Variants in KCNIP4 observed in about 807,000 individuals in gnomAD.
The protein encoded by KCNIP4 is potassium voltage-gated channel interacting protein 4, also known as Kv channel-interacting protein 4.
KCNIP4 carries 12 observed loss-of-function variants against 34.0 expected under a neutral mutation model. The observed-to-expected ratio is 0.35, with a 90% CI of 0.23 to 0.57. The LOEUF (loss-of-function observed/expected upper bound fraction) is 0.57, where lower values mean the gene tolerates loss of function less well. Among genes scored for constraint, KCNIP4 ranks in the 20% least tolerant of loss-of-function variants. The probability of loss-of-function intolerance (pLI) is 0.83; values close to 1 mark genes in which losing one functional copy is unlikely to be tolerated. For synonymous variants in KCNIP4, 124 were observed against 102.2 expected (o/e 1.21, Z -1.29); for missense variants, 238 against 311.7 (o/e 0.76, Z 1.78).
At chr4:21,065,711 A>G (rs2108983195) in intron 1 of KCNIP4, among the ~76,000 whole-genome samples, 1 of 131,564 alleles carries the variant, frequency 7.6e-6, no homozygotes, top group Non-Finnish European at 1.6e-5. Flanking sequence ...TATATCATAG[A>G]TTGGTATCAT....
At chr4:20,975,508 G>A (rs1254654980) in intron 1 of KCNIP4, among the ~76,000 whole-genome samples, 2 of 152,130 alleles carry the variant, frequency 1.3e-5, no homozygotes, top group Non-Finnish European at 2.9e-5. Flanking sequence ...AACTATCTAA[G>A]TTGGTCCAGC....
intron 1 of KCNIP4, among the ~76,000 whole-genome samples, chr4:21,635,092 T>C (rs948630363): frequency 6.6e-6 from 1 of 152,142 alleles, no homozygotes; most frequent in Non-Finnish European, 1.5e-5. Context: ...ATAACACAAA[T>C]ATAAAGTTAT....
chr4:21,240,239 G>T (rs1360474181), intron 1 of KCNIP4, among the ~76,000 whole-genome samples: 2 of 102,370 alleles, frequency 2.0e-5, no homozygotes, highest in Admixed American at 1.4e-4. Context: ...TGGGGGGAGG[G>T]GGGAGGGATA....
chr4:21,063,385 G>C (rs28420233), intron 1 of KCNIP4, among the ~76,000 whole-genome samples: 1 of 152,142 alleles, frequency 6.6e-6, no homozygotes, highest in African/African-American at 2.4e-5. Flanking sequence ...TGGGGTTAGG[G>C]GAGTAAGCTA....
In KCNIP4 at chr4:21,901,159, A is replaced by G. The variant is rs570153155; in HGVS notation, c.61+47412T>C. Reference sequence around the variant, plus strand: ...TGATAAAATGTTATTTAAAAAGCTGAGGATAAAATTTAACATATAGTGTGC... The same window carrying G: ...TGATAAAATGTTATTTAAAAAGCTGGGGATAAAATTTAACATATAGTGTGC... On this transcript the variant is annotated intron_variant, in intron 1 of 8. Transcript: ENST00000382152. Among the ~76,000 whole-genome samples, 3 of 152,322 alleles carry G rather than the reference A, an allele frequency of 2.0e-5. No individual in the cohort carries two copies. In the South Asian group the frequency reaches 6.2e-4, roughly 32 times the overall value.
chr4:20,781,889 A>G (rs919347779), intron 3 of KCNIP4, among the ~76,000 whole-genome samples: 1 of 152,138 alleles, frequency 6.6e-6, no homozygotes, highest in Admixed American at 6.5e-5. Flanking sequence ...CCAAAGTCTC[A>G]TCTGAGGAAA....
intron 1 of KCNIP4, among the ~76,000 whole-genome samples, chr4:21,933,067 A>C (rs1361891687): frequency 6.6e-6 from 1 of 151,186 alleles, no homozygotes; most frequent in African/African-American, 2.4e-5. Context: ...AAAAAAAAAA[A>C]CAGAACACCA....
intron 1 of KCNIP4, among the ~76,000 whole-genome samples, chr4:21,603,685 T>C (rs976766156): frequency 6.6e-6 from 1 of 151,268 alleles, no homozygotes. Flanking sequence ...CAATTAAAAG[T>C]AAGTAGCAAT....
At chr4:21,272,102 G>A (rs1185131281) in intron 1 of KCNIP4, among the ~76,000 whole-genome samples, 4 of 152,158 alleles carry the variant, frequency 2.6e-5, no homozygotes, top group African/African-American at 9.7e-5. Context: ...TAGTGGTCAG[G>A]CACATGGACT....
rs114600054 is a variant in KCNIP4 at position 20,784,454 on chromosome 4, T to C, written c.289-25564A>G. ...CCCTCAGACAACTGGGAAATAATAT[T>C]CTTTAATAAAGTTGTGGTTATTGGA... On this transcript the variant is annotated intron_variant, in intron 3 of 8. Coordinates refer to ENST00000382152, the MANE Select transcript of KCNIP4 (RefSeq NM_025221.6). Among the ~76,000 whole-genome samples, 677 of 152,302 alleles carry C rather than the reference T, an allele frequency of 4.4e-3. 4 individuals carry two copies. The highest frequency in any genetic ancestry group is 0.016 in the African/African-American group (650 of 41,554).
intron 1 of KCNIP4, among the ~76,000 whole-genome samples, chr4:21,519,826 CGTGT>C (rs930841744): frequency 1.5e-5 from 2 of 137,276 alleles, no homozygotes; most frequent in African/African-American, 2.7e-5. Context: ...TGTATACACA[CGTGT>C]GTGTATGTGT....
At chr4:21,192,876 C>G (rs1755751777) in intron 1 of KCNIP4, among the ~76,000 whole-genome samples, 2 of 151,150 alleles carry the variant, frequency 1.3e-5, no homozygotes, top group Non-Finnish European at 2.9e-5. Flanking sequence ...GGTAACATAA[C>G]AAGACCCACA....
chr4:21,329,077 T>C (rs1489298883), intron 1 of KCNIP4, among the ~76,000 whole-genome samples: 2 of 152,242 alleles, frequency 1.3e-5, no homozygotes, highest in African/African-American at 2.4e-5. Context: ...TATACTAGGC[T>C]TCCTCAGTCT....
chr4:21,198,692 C>T (rs1756241582), intron 1 of KCNIP4, among the ~76,000 whole-genome samples: 1 of 152,160 alleles, frequency 6.6e-6, no homozygotes, highest in African/African-American at 2.4e-5. Context: ...AATAACTTTC[C>T]CTGTTTTGTT....
At chr4:21,036,060 C>A (rs1397154493) in intron 1 of KCNIP4, among the ~76,000 whole-genome samples, 1 of 152,190 alleles carries the variant, frequency 6.6e-6, no homozygotes, top group African/African-American at 2.4e-5. Flanking sequence ...TATATCCTTG[C>A]TTGACTTTTC....
At chr4:21,510,780 G>GCTGAGGTGGGCAGATCAC (rs1320090999) in intron 1 of KCNIP4, among the ~76,000 whole-genome samples, 2 of 152,074 alleles carry the variant, frequency 1.3e-5, no homozygotes, top group Non-Finnish European at 2.9e-5. Flanking sequence ...ACTTTGGGAG[G>GCTGAGGTGGGCAGATCAC]CTGAGGTGGG....
At chr4:21,253,139 G>A (rs12642783) in intron 1 of KCNIP4, among the ~76,000 whole-genome samples, 3,301 of 152,234 alleles carry the variant, frequency 0.022, 88 homozygotes, top group East Asian at 0.16. Context: ...GACGCTGAAT[G>A]TGCTTTATCA....
chr4:21,207,879 A>G (rs1756959574), intron 1 of KCNIP4, among the ~76,000 whole-genome samples: 2 of 112,364 alleles, frequency 1.8e-5, no homozygotes, highest in South Asian at 2.5e-4. Context: ...GTCTGGCTCT[A>G]TTGCCCAGGC....
chr4:21,412,483 A>G (rs989338057), intron 1 of KCNIP4, among the ~76,000 whole-genome samples: 5 of 152,214 alleles, frequency 3.3e-5, no homozygotes, highest in Non-Finnish European at 7.3e-5. Flanking sequence ...GCCATTTATT[A>G]GTACTTTGGT....
Sources: gnomAD v4.1 joint callset for allele counts (sites outside exome capture counted in the v4.1 genomes callset) on GRCh38, gnomAD v4.1.1 for gene constraint, MANE v1.5 for transcripts, NCBI Gene and HGNC (gene_info 2026-07-23, HGNC 2026-07-21) for gene names.